ERG: variants seen among roughly 807,000 people sequenced by gnomAD.
The protein encoded by ERG is transcriptional regulator ERG.
In ERG, 9 loss-of-function variants were observed where a neutral mutation model predicts 55.3. That is an observed-to-expected ratio of 0.16 (90% CI 0.10 to 0.28). The LOEUF is 0.28. Ranked by LOEUF, ERG falls within the 10% of genes least tolerant of loss-of-function variation. The probability of loss-of-function intolerance (pLI) is 1.00; values close to 1 mark genes in which losing one functional copy is unlikely to be tolerated. For missense variants in ERG, 434 were observed against 631.6 expected (o/e 0.69, Z 3.35); for synonymous variants, 223 against 237.3 (o/e 0.94, Z 0.55).
upstream of ERG, among the ~76,000 whole-genome samples, chr21:38,501,645 C>T (rs1415617912): frequency 2.0e-5 from 3 of 152,124 alleles, no homozygotes; most frequent in Admixed American, 6.5e-5. Context: ...ACCTGAGGCC[C>T]GTCCTGCCAT....
chr21:38,501,134 C>T (rs934697743), upstream of ERG, among the ~76,000 whole-genome samples: 8 of 139,158 alleles, frequency 5.7e-5, no homozygotes, highest in Non-Finnish European at 1.1e-4. Flanking sequence ...GGCGCGATCT[C>T]GGCTCACTGC....
At chr21:38,571,770 C>T (rs911647397) in intron 2 of ERG, among the ~76,000 whole-genome samples, 1 of 152,028 alleles carries the variant, frequency 6.6e-6, no homozygotes, top group Non-Finnish European at 1.5e-5. Context: ...GCTCCTTAAA[C>T]ATATAAAAGG....
downstream of ERG, among the ~76,000 whole-genome samples, chr21:38,378,130 C>T (rs1483779977): frequency 6.6e-6 from 1 of 152,194 alleles, no homozygotes; most frequent in Non-Finnish European, 1.5e-5. Context: ...ACTGCTGACT[C>T]TTAGGACAAA....
At chr21:38,369,361 T>C in the ERG span, among the ~76,000 whole-genome samples, 1 of 152,256 alleles carries the variant, frequency 6.6e-6, no homozygotes, top group South Asian at 2.1e-4. Context: ...ATTTCTCTAA[T>C]GATCAGTCAT....
chr21:38,552,583 C>A (rs1002775101), intron 2 of ERG, among the ~76,000 whole-genome samples: 1 of 152,016 alleles, frequency 6.6e-6, no homozygotes, highest in African/African-American at 2.4e-5. Context: ...ACACAAAAAC[C>A]ACATGATCAT....
chr21:38,413,030 G>T (rs1230607618), intron 3 of ERG, among the ~76,000 whole-genome samples: 1 of 152,108 alleles, frequency 6.6e-6, no homozygotes, highest in Non-Finnish European at 1.5e-5. Context: ...TATGGGGTGG[G>T]GACTCGGGTA....
intron 1 of ERG, among the ~76,000 whole-genome samples, chr21:38,594,094 T>A (rs2060117404): frequency 1.3e-5 from 2 of 152,170 alleles, no homozygotes; most frequent in African/African-American, 2.4e-5. Flanking sequence ...CTTGAACTCA[T>A]CATGAAAATA....
chr21:38,575,554 C>T (rs2059989548), intron 2 of ERG: 2 of 794,844 alleles, frequency 2.5e-6, no homozygotes, highest in Non-Finnish European at 2.2e-6. Context: ...TTCTTAGCTC[C>T]TGGGCTGTGT....
chr21:38,628,598 G>A (rs551560016), intron 1 of ERG, among the ~76,000 whole-genome samples: 2 of 152,306 alleles, frequency 1.3e-5, no homozygotes, highest in East Asian at 1.9e-4. Flanking sequence ...CCCCTCCTGG[G>A]GGAAACTGTG....
chr21:38,449,342 A>G (rs78614886), intron 1 of ERG, among the ~76,000 whole-genome samples: 10,928 of 152,250 alleles, frequency 0.072, 480 homozygotes, highest in East Asian at 0.18. Flanking sequence ...ATAACTTACG[A>G]GAAACACATA....
At chr21:38,407,801 T>C (rs950117565) in intron 3 of ERG, among the ~76,000 whole-genome samples, 24 of 146,988 alleles carry the variant, frequency 1.6e-4, no homozygotes, top group Middle Eastern at 3.6e-3. Context: ...AATGAAACTA[T>C]GCAAAGCATT....
intron 1 of ERG, among the ~76,000 whole-genome samples, chr21:38,646,355 T>C (rs552978642): frequency 1.3e-5 from 2 of 151,614 alleles, no homozygotes; most frequent in Admixed American, 6.6e-5. Flanking sequence ...TCCTTTACCA[T>C]TTAATCTCTC....
At chr21:38,486,431 A>T (rs750547501) in intron 1 of ERG, among the ~76,000 whole-genome samples, 1 of 152,160 alleles carries the variant, frequency 6.6e-6, no homozygotes, top group Non-Finnish European at 1.5e-5. Context: ...GCTCTTTGTG[A>T]TGTTTGCACG....
At chr21:38,569,644 C>T (rs928572719) in intron 2 of ERG, among the ~76,000 whole-genome samples, 3 of 152,114 alleles carry the variant, frequency 2.0e-5, no homozygotes, top group Admixed American at 6.5e-5. Flanking sequence ...GCAGGTACTC[C>T]CTAGTCCACA....
intron 2 of ERG, among the ~76,000 whole-genome samples, chr21:38,424,549 G>T (rs1246188327): frequency 2.6e-5 from 4 of 152,206 alleles, no homozygotes; most frequent in Non-Finnish European, 5.9e-5. Flanking sequence ...GGGGACACTT[G>T]CAGGGAACAG....
chr21:38,582,151 T>G (rs1194174415), intron 1 of ERG, among the ~76,000 whole-genome samples: 1 of 151,576 alleles, frequency 6.6e-6, no homozygotes, highest in Non-Finnish European at 1.5e-5. Context: ...TGCTTAATAA[T>G]AAACTGTAAT....
chr21:38,651,423 G>C lies in ERG; in HGVS notation c.-150+10235C>G, dbSNP rs183519680. ...GTGGCCACTAGCCACATGTGACTAT[G>C]GAGCCCTTGAAATGTGACCAGCCCA... On this transcript the variant is annotated intron_variant, in intron 1 of 10. Coordinates refer to the ERG transcript ENST00000398910. Among the ~76,000 whole-genome samples, 521 of 152,264 alleles carry C rather than the reference G, an allele frequency of 3.4e-3. 13 individuals carry two copies. Among genetic ancestry groups the C allele is most frequent in the Non-Finnish European group, 7.6e-4 (52 of 68,026 alleles).
intron 1 of ERG, among the ~76,000 whole-genome samples, chr21:38,455,330 A>AT (rs1436126780): frequency 1.3e-5 from 2 of 152,110 alleles, no homozygotes; most frequent in African/African-American, 2.4e-5. Flanking sequence ...TGTCCTGGTG[A>AT]TTTTTGAAAC....
rs150990580 is a variant in ERG, at chr21:38,593,219, C to T, written c.-149-8274G>A. 1.9e-3 allele frequency among the ~76,000 whole-genome samples: 285 copies of T among 152,246 alleles called. 1 individual carries two copies. The highest frequency in any genetic ancestry group is 8.3e-3 in the East Asian group (43 of 5,180). ...TCTGCCTGGGGCCCCCCTGTAAAAACGAGAGATCTGAAGGAAAACAGACAG... is the reference window on the plus strand; with the variant it reads ...TCTGCCTGGGGCCCCCCTGTAAAAATGAGAGATCTGAAGGAAAACAGACAG... On this transcript the variant is annotated intron_variant, in intron 1 of 10. Coordinates refer to the ERG transcript ENST00000398910.
Sources: gnomAD v4.1 joint callset for allele counts (sites outside exome capture counted in the v4.1 genomes callset) on GRCh38, gnomAD v4.1.1 for gene constraint, MANE v1.5 for transcripts, NCBI Gene and HGNC (gene_info 2026-07-23, HGNC 2026-07-21) for gene names.